Variants in SDK1 observed in about 807,000 individuals in gnomAD.
SDK1 encodes the protein sidekick cell adhesion molecule 1, also known as protein sidekick-1.
Under a neutral mutation model 245.5 loss-of-function variants are expected in SDK1, and 157 were observed. The observed-to-expected ratio is 0.64, with a 90% confidence interval of 0.56 to 0.73. The LOEUF is 0.73. Ranked by LOEUF, SDK1 falls within the 30% of genes least tolerant of loss-of-function variation. SDK1 has a pLI of 0.00. For synonymous variants in SDK1, 1,647 were observed against 1,278.5 expected, an observed-to-expected ratio of 1.29 and a Z score of -6.15; for missense variants, 3,583 against 3,002.3, an observed-to-expected ratio of 1.19 and a Z score of -4.52.
At chr7:3,677,366 G>C (rs1783937526) in intron 4 of SDK1, among the ~76,000 whole-genome samples, 1 of 152,208 alleles carries the variant, frequency 6.6e-6, no homozygotes, top group African/African-American at 2.4e-5. Context: ...ATTTATAAAG[G>C]AAAGAGTTTT....
intron 2 of SDK1, among the ~76,000 whole-genome samples, chr7:3,634,992 A>G (rs1331148832): frequency 2.0e-5 from 3 of 152,202 alleles, no homozygotes; most frequent in African/African-American, 7.2e-5. Flanking sequence ...TGTCTTTGTA[A>G]TGTTTCAAAT....
intron 2 of SDK1, among the ~76,000 whole-genome samples, chr7:3,624,470 A>G (rs982629952): frequency 2.8e-4 from 43 of 151,986 alleles, no homozygotes; most frequent in Non-Finnish European, 2.9e-5. Context: ...AAGTACTGGG[A>G]TTACAGGTGT....
intron 1 of SDK1, among the ~76,000 whole-genome samples, chr7:3,432,557 T>A (rs1472502090): frequency 6.6e-6 from 1 of 152,174 alleles, no homozygotes; most frequent in African/African-American, 2.4e-5. Context: ...ATTTTAGTTA[T>A]TTAAAAGATT....
At chr7:3,926,234 GGCCACTCATTTAAACCCTCA>G (rs1779762691) in intron 5 of SDK1, among the ~76,000 whole-genome samples, 1 of 152,132 alleles carries the variant, frequency 6.6e-6, no homozygotes, top group Admixed American at 6.5e-5. Flanking sequence ...GGGACCCTTT[GGCCACTCATTTAAACCCTCA>G]GCCAGAAGGA....
At chr7:4,244,096 C>G (rs1326379110) in intron 43 of SDK1, among the ~76,000 whole-genome samples, 1 of 152,172 alleles carries the variant, frequency 6.6e-6, no homozygotes, top group African/African-American at 2.4e-5. Flanking sequence ...GAGGCACACC[C>G]TGGGGGAGAC....
chr7:3,712,557 A>G (rs1183704072), intron 4 of SDK1, among the ~76,000 whole-genome samples: 4 of 152,220 alleles, frequency 2.6e-5, no homozygotes, highest in East Asian at 1.9e-4. Context: ...ATTGTTTTTC[A>G]TGAAACTGGT....
intron 1 of SDK1, among the ~76,000 whole-genome samples, chr7:3,569,437 A>G (rs1262096932): frequency 2.6e-5 from 4 of 152,198 alleles, no homozygotes; most frequent in Non-Finnish European, 5.9e-5. Context: ...TGCTGGGAGG[A>G]GAAGGATATT....
chr7:3,345,971 T>C (rs192441519), intron 1 of SDK1, among the ~76,000 whole-genome samples: 50 of 152,310 alleles, frequency 3.3e-4, no homozygotes, highest in Non-Finnish European at 4.9e-4. Context: ...CTTTTAAGCA[T>C]AATAATTAAA....
At chr7:3,717,053 C>G (rs1419182077) in intron 4 of SDK1, among the ~76,000 whole-genome samples, 1 of 152,036 alleles carries the variant, frequency 6.6e-6, no homozygotes, top group African/African-American at 2.4e-5. Flanking sequence ...ATACTTAAGA[C>G]TATTAGATTT....
intron 5 of SDK1, among the ~76,000 whole-genome samples, chr7:3,885,571 C>T (rs1781318382): frequency 6.6e-6 from 1 of 152,194 alleles, no homozygotes; most frequent in Non-Finnish European, 1.5e-5. Context: ...GGCTGCGGCT[C>T]CCAGCCCTGC....
chr7:3,526,987 A>C (rs1023734400), intron 1 of SDK1, among the ~76,000 whole-genome samples: 3 of 152,154 alleles, frequency 2.0e-5, no homozygotes, highest in Admixed American at 2.0e-4. Flanking sequence ...ATCTACCTTC[A>C]GCTTCAGTGT....
At chr7:4,191,407 G>A (rs534163216) in intron 35 of SDK1, among the ~76,000 whole-genome samples, 1 of 152,242 alleles carries the variant, frequency 6.6e-6, no homozygotes, top group Non-Finnish European at 1.5e-5. Flanking sequence ...AGGTTGTGGA[G>A]CATCGCGCGG....
chr7:4,036,630 AC>A (rs1487295346), intron 17 of SDK1, among the ~76,000 whole-genome samples: 1 of 152,060 alleles, frequency 6.6e-6, no homozygotes, highest in Non-Finnish European at 1.5e-5. Flanking sequence ...GAAAATTGTA[AC>A]CCCCAGGAGA....
chr7:4,130,077 T>A lies in SDK1; in HGVS notation c.4109T>A (p.Leu1370Gln). The A allele has an allele frequency of 3.7e-6, 6 of 1,607,210 alleles. No homozygotes were observed. Among genetic ancestry groups the A allele is most frequent in the Non-Finnish European group, 4.3e-6 (5 of 1,175,544 alleles). ...GGGGTCCCCAGCACGCCCCTCATCC[T>A]GGAGCGCACCAAAGACGATGGTAGG... ...GNGVPSTPLI[L>Q]ERTKDDAPGP... Residue 1370 changes from leucine to glutamine, a missense_variant, in exon 27 of 45, where the codon CTG becomes CAG. Physicochemically the swap from Leu to Gln is moderately radical, Grantham distance 113. Transcript: ENST00000404826.
intron 14 of SDK1, among the ~76,000 whole-genome samples, chr7:3,992,723 G>T (rs1178612873): frequency 6.6e-6 from 1 of 152,178 alleles, no homozygotes; most frequent in African/African-American, 2.4e-5. Context: ...CCATAAAAAG[G>T]ATTACTGAGT....
rs142359761 is a variant in SDK1 at position 3,469,715 on chromosome 7, C to T, written c.299-149365C>T. Among the ~76,000 whole-genome samples, 28 of 152,200 alleles carry T rather than the reference C, an allele frequency of 1.8e-4. No individual in the cohort carries two copies. The East Asian group carries it at 4.6e-3, about 25-fold the overall frequency. Reference sequence around the variant, plus strand: ...GCAGTTTGCTTGAAGTCTGTTTTTCCTTCCTAGCCATTGACAGAAAACACA... The same window carrying T: ...GCAGTTTGCTTGAAGTCTGTTTTTCTTTCCTAGCCATTGACAGAAAACACA... On this transcript the variant is annotated intron_variant, in intron 1 of 44. Coordinates refer to ENST00000404826, the MANE Select transcript of SDK1 (RefSeq NM_152744.4).
In SDK1 at chr7:4,025,016, TCACACACACACA is replaced by T. The variant is rs10602730; in HGVS notation, c.2602+7687_2602+7698del. Among the ~76,000 whole-genome samples the T allele has an allele frequency of 8.1e-3, 1,200 of 148,430 alleles. 17 individuals are homozygous for T. Among genetic ancestry groups the T allele is most frequent in the African/African-American group, 0.028 (1,127 of 40,754 alleles). On this transcript the variant is annotated intron_variant, in intron 17 of 44. Coordinates refer to ENST00000404826, the MANE Select transcript of SDK1 (RefSeq NM_152744.4). The stretch of plus-strand genomic sequence containing the variant: ...GCACAATGAGAACTCTATTTTGCAT[TCACACACACACA>T]CACACACACACACACACACACAAAC...
chr7:3,373,298 C>T (rs1396379049), intron 1 of SDK1, among the ~76,000 whole-genome samples: 3 of 152,146 alleles, frequency 2.0e-5, no homozygotes, highest in African/African-American at 7.2e-5. Context: ...ATTTATTGAA[C>T]ACTAAGCGAA....
In SDK1 at chr7:3,356,418, G is replaced by A. The variant is rs139700603; in HGVS notation, c.298+54534G>A. Among the ~76,000 whole-genome samples the A allele has an allele frequency of 5.7e-3, 867 of 152,236 alleles. 9 individuals carry two copies. Among genetic ancestry groups the A allele is most frequent in the African/African-American group, 0.02 (821 of 41,532 alleles). Reference sequence around the variant, plus strand: ...TTGTTACCGCTCTTTAAAGATTGAGGCAGGTGTTCCATGACCTTATCCCCA... The same window carrying A: ...TTGTTACCGCTCTTTAAAGATTGAGACAGGTGTTCCATGACCTTATCCCCA... On this transcript the variant is annotated intron_variant, in intron 1 of 44. Coordinates refer to ENST00000404826, the MANE Select transcript of SDK1 (RefSeq NM_152744.4).
Sources: allele counts gnomAD v4.1 joint callset (sites outside exome capture counted in the v4.1 genomes callset), GRCh38; gene constraint gnomAD v4.1.1; transcripts MANE v1.5; gene names NCBI Gene and HGNC (gene_info 2026-07-23, HGNC 2026-07-21).